The following CNTNAP4 variants were observed in gnomAD, a reference collection of about 807,000 sequenced individuals.
CNTNAP4 encodes contactin-associated protein-like 4.
In CNTNAP4, 98 loss-of-function variants were observed where a neutral mutation model predicts 148.4. The observed-to-expected ratio is 0.66, with a 90% CI of 0.56 to 0.78. CNTNAP4 has a LOEUF of 0.78. Ranked by LOEUF, CNTNAP4 falls within the 30% of genes least tolerant of loss-of-function variation. CNTNAP4 has a pLI of 0.00. For synonymous variants in CNTNAP4, 730 were observed against 565.1 expected, an observed-to-expected ratio of 1.29 and a Z score of -4.14; for missense variants, 1,935 against 1,565.6, an observed-to-expected ratio of 1.24 and a Z score of -3.98.
intron 2 of CNTNAP4, among the ~76,000 whole-genome samples, chr16:76,351,008 G>A (rs1013749846): frequency 1.3e-5 from 2 of 152,058 alleles, no homozygotes; most frequent in African/African-American, 4.8e-5. Context: ...TGTTTTGTGC[G>A]TAAATTATCA....
chr16:76,424,900 C>T (rs1231517583), intron 3 of CNTNAP4, among the ~76,000 whole-genome samples: 2 of 152,190 alleles, frequency 1.3e-5, no homozygotes, highest in Admixed American at 6.5e-5. Context: ...TGCCCTATAT[C>T]AGCCATCCTA....
chr16:76,389,514 C>T (rs550600538), intron 3 of CNTNAP4, among the ~76,000 whole-genome samples: 7 of 152,198 alleles, frequency 4.6e-5, no homozygotes, highest in South Asian at 2.1e-4. Flanking sequence ...AGTGCAGTGA[C>T]GTGATCTCAG....
At chr16:76,386,932 A>G (rs1311726497) in intron 3 of CNTNAP4, among the ~76,000 whole-genome samples, 2 of 152,190 alleles carry the variant, frequency 1.3e-5, no homozygotes, top group African/African-American at 2.4e-5. Context: ...CAATCTGTGA[A>G]TGACTCAACT....
At chr16:76,328,286 C>T (rs1963191575) in intron 2 of CNTNAP4, among the ~76,000 whole-genome samples, 1 of 152,136 alleles carries the variant, frequency 6.6e-6, no homozygotes, top group African/African-American at 2.4e-5. Flanking sequence ...CATTTTACCT[C>T]TGTGGTCCTG....
chr16:76,345,141 A>G (rs1366595361), intron 2 of CNTNAP4, among the ~76,000 whole-genome samples: 9 of 152,292 alleles, frequency 5.9e-5, no homozygotes, highest in South Asian at 4.1e-4. Flanking sequence ...GGCTATTCAG[A>G]GTTCCTGAAG....
chr16:76,356,746 A>G (rs887018611), intron 3 of CNTNAP4, among the ~76,000 whole-genome samples: 6 of 152,152 alleles, frequency 3.9e-5, no homozygotes, highest in African/African-American at 1.4e-4. Context: ...TTGGGCACAT[A>G]ATGATAATTT....
At chr16:76,482,825 A>G (rs181941289) in intron 12 of CNTNAP4, among the ~76,000 whole-genome samples, 152 of 152,218 alleles carry the variant, frequency 1.0e-3, no homozygotes, top group African/African-American at 3.2e-3. Flanking sequence ...GGCCAATGGA[A>G]ATAATATCAT....
chr16:76,529,627 G>A (rs1440718267), intron 17 of CNTNAP4, among the ~76,000 whole-genome samples: 5 of 152,100 alleles, frequency 3.3e-5, no homozygotes, highest in African/African-American at 9.7e-5. Flanking sequence ...GTTTTCAAAC[G>A]GGGCTAAATT....
At chr16:76,329,024 A>T (rs983368054) in intron 2 of CNTNAP4, among the ~76,000 whole-genome samples, 1 of 152,174 alleles carries the variant, frequency 6.6e-6, no homozygotes, top group Non-Finnish European at 1.5e-5. Flanking sequence ...TGTAACTCTA[A>T]AAGTATTTTA....
intron 23 of CNTNAP4, among the ~76,000 whole-genome samples, chr16:76,554,165 A>T (rs775589293): frequency 7.9e-5 from 12 of 152,132 alleles, no homozygotes; most frequent in South Asian, 2.1e-4. Context: ...AATTGCTAAC[A>T]TGTGTAATAA....
chr16:76,486,937 C>T (rs1456655104), intron 12 of CNTNAP4, among the ~76,000 whole-genome samples: 1 of 152,142 alleles, frequency 6.6e-6, no homozygotes, highest in African/African-American at 2.4e-5. Flanking sequence ...ATTAGATTCT[C>T]TATGAGCGAA....
At chr16:76,484,823 A>G (rs573548663) in intron 12 of CNTNAP4, among the ~76,000 whole-genome samples, 2 of 152,338 alleles carry the variant, frequency 1.3e-5, no homozygotes, top group East Asian at 3.9e-4. Flanking sequence ...ATCAGGTATA[A>G]TGACTGCTGA....
At chr16:76,416,591 G>C (rs2078991591) in intron 3 of CNTNAP4, among the ~76,000 whole-genome samples, 1 of 150,982 alleles carries the variant, frequency 6.6e-6, no homozygotes. Flanking sequence ...ATTCCTTTAT[G>C]ACCTGAGAGC....
chr16:76,398,056 G>T (rs1215204265), intron 3 of CNTNAP4, among the ~76,000 whole-genome samples: 2 of 140,826 alleles, frequency 1.4e-5, no homozygotes, highest in Admixed American at 1.5e-4. Context: ...TCTGCAAGCT[G>T]AGGAGCAAGG....
intron 3 of CNTNAP4, among the ~76,000 whole-genome samples, chr16:76,388,186 T>A (rs530996456): frequency 5.3e-4 from 80 of 152,300 alleles, no homozygotes; most frequent in African/African-American, 1.9e-3. Context: ...GTCAGAGACA[T>A]TACTGGGACA....
At chr16:76,410,947 A>T (rs986734734) in intron 3 of CNTNAP4, among the ~76,000 whole-genome samples, 2 of 151,650 alleles carry the variant, frequency 1.3e-5, no homozygotes, top group Non-Finnish European at 3.0e-5. Flanking sequence ...GATCTACATA[A>T]AGATACAGTG....
chr16:76,325,391 C>A (rs1962868668), intron 2 of CNTNAP4, among the ~76,000 whole-genome samples: 1 of 151,942 alleles, frequency 6.6e-6, no homozygotes, highest in Admixed American at 6.6e-5. Flanking sequence ...AGAATATTTA[C>A]CTAAATTTAT....
At chr16:76,483,289 T>C (rs1408181269) in intron 12 of CNTNAP4, among the ~76,000 whole-genome samples, 1 of 143,546 alleles carries the variant, frequency 7.0e-6, no homozygotes, top group Non-Finnish European at 1.5e-5. Context: ...TCCATTCTCA[T>C]TGTTTGCAGT....
intron 21 of CNTNAP4, among the ~76,000 whole-genome samples, chr16:76,541,465 A>G (rs2084452070): frequency 6.6e-6 from 1 of 152,238 alleles, no homozygotes; most frequent in South Asian, 2.1e-4. Flanking sequence ...TTTTAGTTAT[A>G]CATTAATCAT....
Sources: allele counts gnomAD v4.1 joint callset (sites outside exome capture counted in the v4.1 genomes callset), GRCh38; gene constraint gnomAD v4.1.1; transcripts MANE v1.5; gene names NCBI Gene and HGNC (gene_info 2026-07-23, HGNC 2026-07-21).